GBP7: variants seen among roughly 807,000 people sequenced by gnomAD.
GBP7 encodes guanylate-binding protein 7.
Under a neutral mutation model 61.3 loss-of-function variants are expected in GBP7, and 43 were observed. That is an observed-to-expected ratio of 0.70 (90% CI 0.55 to 0.91). The LOEUF (loss-of-function observed/expected upper bound fraction) is 0.91, where lower values mean the gene tolerates loss of function less well. GBP7 is among the 40% of genes least tolerant of loss of function. The pLI, the probability that GBP7 is intolerant of heterozygous loss-of-function variation, is 0.00. For missense variants in GBP7, 717 were observed against 740.5 expected, an observed-to-expected ratio of 0.97 and a Z score of 0.37; for synonymous variants, 267 against 271.0, an observed-to-expected ratio of 0.99 and a Z score of 0.14.
At chr1:89,147,518 C>A in intron 8 of GBP7, 49 bp downstream of exon 8, 1 of 1,449,568 alleles carries the variant, frequency 6.9e-7, no homozygotes, top group Non-Finnish European at 9.7e-7. Flanking sequence ...GCAACGAAGA[C>A]CCTCTGACTA....
intron 1 of GBP7, among the ~76,000 whole-genome samples, chr1:89,174,638 C>T (rs1647692062): frequency 6.6e-6 from 1 of 152,206 alleles, no homozygotes; most frequent in African/African-American, 2.4e-5. Flanking sequence ...CCTCTGTGGG[C>T]AGGGTCTGGT....
At chr1:89,159,246 A>G (rs1682381008) in intron 3 of GBP7, among the ~76,000 whole-genome samples, 1 of 152,208 alleles carries the variant, frequency 6.6e-6, no homozygotes, top group Admixed American at 6.5e-5. Context: ...TAGACCTAAA[A>G]CCATAAAAAC....
At chr1:89,173,990 C>T (rs1206773369) in intron 1 of GBP7, among the ~76,000 whole-genome samples, 2 of 152,100 alleles carry the variant, frequency 1.3e-5, no homozygotes, top group Non-Finnish European at 2.9e-5. Flanking sequence ...TGAGAATGTA[C>T]ATATTTTCTT....
intron 2 of GBP7, among the ~76,000 whole-genome samples, chr1:89,169,205 A>T (rs930190317): frequency 6.6e-6 from 1 of 152,210 alleles, no homozygotes; most frequent in South Asian, 2.1e-4. Flanking sequence ...TGTTATGACT[A>T]AAATTTTTAA....
At chr1:89,133,041 G>T (rs1570335294) in intron 10 of GBP7, among the ~76,000 whole-genome samples, 1 of 152,318 alleles carries the variant, frequency 6.6e-6, no homozygotes, top group East Asian at 1.9e-4. Flanking sequence ...CACCCTGGGG[G>T]ATGTCATGTG....
At chr1:89,151,401 T>C (rs1200468042) in intron 5 of GBP7, among the ~76,000 whole-genome samples, 1 of 152,226 alleles carries the variant, frequency 6.6e-6, no homozygotes, top group African/African-American at 2.4e-5. Context: ...GCTTAAAATT[T>C]AAATGCTAGA....
In GBP7 at chr1:89,149,324, C is replaced by T; in HGVS notation, c.1120G>A (p.Asp374Asn). ...TTCTTCTGAAATTCCTGGCTTTTAT[C>T]TTTGAAGGAGTACTCCATGAAGACT... ...IAVFMEYSFKDKSQEFQKKLV... is the reference protein window; with the variant it reads ...IAVFMEYSFKNKSQEFQKKLV... The change falls in exon 7 of 11, where the codon GAT (aspartate) becomes AAT (asparagine). Residue 374 changes from aspartate (D) to asparagine (N), a missense_variant. Around this residue, in one of 3 missense-constraint regions of GBP7, gnomAD observed 312 missense variants for 310.1 expected, o/e 1.01. Coordinates refer to ENST00000294671, the MANE Select transcript of GBP7 (RefSeq NM_207398.3). 1 of 1,610,788 alleles carries T rather than the reference C, an allele frequency of 6.2e-7. No homozygotes were observed. Among genetic ancestry groups the T allele is most frequent in the Non-Finnish European group, 8.5e-7 (1 of 1,177,858 alleles).
chr1:89,152,976 G>A (rs1409061934), intron 3 of GBP7, among the ~76,000 whole-genome samples, 199 bp from the exon 4 acceptor site: 5 of 152,234 alleles, frequency 3.3e-5, no homozygotes, highest in Admixed American at 6.5e-5. Flanking sequence ...TATAGAAAAA[G>A]CACCTAAACA....
At position 89,156,221 on chromosome 1, in the gene GBP7, A is replaced by T. The variant is rs1186137540; in HGVS notation, c.319-3444T>A. Among the ~76,000 whole-genome samples the T allele has an allele frequency of 3.3e-5, 5 of 152,252 alleles. No homozygotes were observed. The South Asian group carries it at 6.2e-4, about 19-fold the overall frequency. ...GAAGGAAGCACTAAACATAGAAAGG[A>T]TCAGCCAGTATCAGCCACTGCAAAA... On this transcript the variant is annotated intron_variant, in intron 3 of 10. Coordinates refer to ENST00000294671, the MANE Select transcript of GBP7 (RefSeq NM_207398.3).
intron 7 of GBP7, among the ~76,000 whole-genome samples, chr1:89,148,841 T>TA (rs968537346): frequency 2.6e-5 from 4 of 151,598 alleles, no homozygotes; most frequent in Non-Finnish European, 4.4e-5. Flanking sequence ...CTTTTTAAAA[T>TA]AAAAAAAAAT....
intron 3 of GBP7, among the ~76,000 whole-genome samples, chr1:89,157,167 A>G (rs1305162729): frequency 6.6e-6 from 1 of 152,242 alleles, no homozygotes; most frequent in Non-Finnish European, 1.5e-5. Context: ...GAGAAGAAAG[A>G]CACAACATAC....
At chr1:89,171,604 T>C in intron 2 of GBP7, 142 bp downstream of exon 2, 1 of 596,338 alleles carries the variant, frequency 1.7e-6, no homozygotes. Context: ...CAGAGTGAAT[T>C]TGAAGGGTTC....
chr1:89,140,459 T>A (rs1681911266), intron 9 of GBP7, among the ~76,000 whole-genome samples: 7 of 49,576 alleles, frequency 1.4e-4, no homozygotes, highest in East Asian at 7.1e-4. Context: ...TAAAAAAAAC[T>A]GAAAAAAAAA....
chr1:89,153,543 C>A (rs1159296129), intron 3 of GBP7, among the ~76,000 whole-genome samples: 1 of 152,148 alleles, frequency 6.6e-6, no homozygotes, highest in Non-Finnish European at 1.5e-5. Flanking sequence ...CAATGTTAAT[C>A]AATTGAATTC....
chr1:89,162,350 C>A (rs941871113), intron 3 of GBP7, among the ~76,000 whole-genome samples: 3 of 152,212 alleles, frequency 2.0e-5, no homozygotes, highest in Non-Finnish European at 4.4e-5. Flanking sequence ...AGCATTGAAT[C>A]TATAAATTGC....
chr1:89,133,011 C>T (rs1157428962), intron 10 of GBP7, among the ~76,000 whole-genome samples: 1 of 152,188 alleles, frequency 6.6e-6, no homozygotes, highest in African/African-American at 2.4e-5. Flanking sequence ...ATCCTATAAT[C>T]ACCACAAACA....
chr1:89,152,716 A>G lies in GBP7; in HGVS notation c.380T>C (p.Val127Ala), dbSNP rs965480875. ...GTTGATGGTGCCCATGCTGTTGTAG[A>G]CAAAGCTGCTGCTTAGAAGCACAGC... ...ALAVLLSSSF[V>A]YNSMGTINHQ... The change falls in exon 4 of 11, where the codon GTC becomes GCC. Residue 127 changes from valine to alanine, a missense_variant. Transcript: ENST00000294671. The G allele has an allele frequency of 1.4e-5, 22 of 1,613,262 alleles. No homozygotes were observed. The African/African-American group carries it at 2.7e-4, about 20-fold the overall frequency.
At position 89,132,487 on chromosome 1, in the gene GBP7, CAT is replaced by C. The variant is rs1448377703; in HGVS notation, c.1663-86_1663-85del. On this transcript the variant is annotated intron_variant, in intron 10 of 10. Transcript: ENST00000294671. ...GTATTTAACAATTTCATTAGTTAAA[CAT>C]GTGTCCATTTCTCTAACATCTTAGA... 6 of 972,952 alleles carry C rather than the reference CAT, an allele frequency of 6.2e-6. No homozygotes were observed. The African/African-American group carries it at 6.5e-5, about 11-fold the overall frequency. 60.3% of individuals were successfully genotyped at this position (972,952 alleles called of 1,614,324 possible). A position where few individuals can be genotyped will look rare whatever the true frequency, so the allele number is the denominator to read the frequency against.
At chr1:89,172,867 G>A (rs1483955252) in intron 1 of GBP7, among the ~76,000 whole-genome samples, 1 of 151,582 alleles carries the variant, frequency 6.6e-6, no homozygotes, top group Non-Finnish European at 1.5e-5. Context: ...ATTAACTGGA[G>A]TTCTACCGTG....
Sources: gnomAD v4.1 joint callset for allele counts (sites outside exome capture counted in the v4.1 genomes callset) on GRCh38, gnomAD v4.1.1 for gene constraint, gnomAD v4.1.1 regional missense constraint, MANE v1.5 for transcripts, NCBI Gene and HGNC (gene_info 2026-07-23, HGNC 2026-07-21) for gene names.